Variants in EHMT1 observed in about 807,000 individuals in gnomAD.
The protein encoded by EHMT1 is histone-lysine N-methyltransferase EHMT1.
A neutral mutation model predicts 147.2 loss-of-function variants in EHMT1; 15 were observed. The observed-to-expected ratio is 0.10, with a 90% CI of 0.07 to 0.16. EHMT1 has a LOEUF of 0.16. EHMT1 is among the 10% of genes least tolerant of loss of function. EHMT1 has a pLI of 1.00. For synonymous variants in EHMT1, 795 were observed against 709.6 expected (o/e 1.12, Z -1.91); for missense variants, 1,587 against 1,772.4 (o/e 0.90, Z 1.88).
chr9:137,774,738 C>T (rs1950832176), intron 10 of EHMT1, among the ~76,000 whole-genome samples: 1 of 134,260 alleles, frequency 7.4e-6, no homozygotes, highest in East Asian at 2.2e-4. Flanking sequence ...TCGCGCCTGG[C>T]CCCCTGGATC....
intron 4 of EHMT1, among the ~76,000 whole-genome samples, chr9:137,737,959 C>T (rs551151814): frequency 1.1e-4 from 16 of 152,210 alleles, no homozygotes; most frequent in African/African-American, 3.6e-4. Context: ...TTTGGGAGGC[C>T]GAGGCAGGCA....
At chr9:137,774,860 G>A (rs1209301886) in intron 10 of EHMT1, among the ~76,000 whole-genome samples, 1 of 152,192 alleles carries the variant, frequency 6.6e-6, no homozygotes, top group Admixed American at 6.5e-5. Flanking sequence ...CTCATGTGCC[G>A]CTGCCTCCTG....
At chr9:137,752,058 C>T (rs550162491) in intron 6 of EHMT1, among the ~76,000 whole-genome samples, 37 of 152,356 alleles carry the variant, frequency 2.4e-4, no homozygotes, top group Admixed American at 9.2e-4. Flanking sequence ...CGCACCAGGG[C>T]AGCCACTCTC....
Position 137,835,608 on chromosome 9 carries a change from C to T in EHMT1, c.*655C>T, listed in dbSNP as rs1273170149. On this transcript the variant is annotated 3_prime_UTR_variant, in exon 27 of 27. Coordinates refer to ENST00000460843, the MANE Select transcript of EHMT1 (RefSeq NM_024757.5). The stretch of plus-strand genomic sequence containing the variant: ...CGAGGAAGTGGCTTGGTGGGTGCAG[C>T]CCCCGCCGGTTCCGTTGACGCTGGC... The T allele has an allele frequency of 6.5e-6, 1 of 152,672 alleles. No individual in the cohort carries two copies. Among genetic ancestry groups the T allele is most frequent in the East Asian group, 1.9e-4 (1 of 5,204 alleles). The allele number at this position is 152,672 out of a possible 1,614,324, so 9.5% of individuals were successfully genotyped here. A position where few individuals can be genotyped will look rare whatever the true frequency, so the allele number is the denominator to read the frequency against.
chr9:137,724,862 A>G (rs1588389650), intron 3 of EHMT1, among the ~76,000 whole-genome samples: 1 of 149,888 alleles, frequency 6.7e-6, no homozygotes, highest in South Asian at 2.1e-4. Context: ...GACGTGTGGC[A>G]TTCGTGGGGC....
rs2136912214 is a variant in EHMT1, at chr9:137,782,986, C to G, written c.2382+589C>G. Among the ~76,000 whole-genome samples the G allele has an allele frequency of 6.6e-6, 1 of 152,332 alleles. No homozygotes were observed. Among genetic ancestry groups the G allele is most frequent in the South Asian group, 2.1e-4 (1 of 4,828 alleles). ...GATCCCGGTGTTGGATCCCCTGTTT[C>G]TCAAGTGCCAGGTTTGAGTCTGGTG... is the stretch of plus-strand genomic sequence containing the variant. On this transcript the variant is annotated intron_variant, in intron 15 of 26. Coordinates refer to ENST00000460843, the MANE Select transcript of EHMT1 (RefSeq NM_024757.5). This position sits in a 1 kb window ranked among gnomAD's most constrained non-coding sequence, Gnocchi z 5.7.
At chr9:137,660,724 T>C (rs1413157679) in intron 1 of EHMT1, among the ~76,000 whole-genome samples, 2 of 152,244 alleles carry the variant, frequency 1.3e-5, no homozygotes, top group African/African-American at 4.8e-5. Flanking sequence ...TTAAGAAATA[T>C]TTCTATGAAA....
chr9:137,671,790 A>G (rs1470131102), intron 1 of EHMT1, among the ~76,000 whole-genome samples: 2 of 152,080 alleles, frequency 1.3e-5, no homozygotes, highest in African/African-American at 4.8e-5. Flanking sequence ...GGCCTTCCAA[A>G]GTGCTGGGAT....
chr9:137,669,338 AC>A (rs1397337039), intron 1 of EHMT1, among the ~76,000 whole-genome samples: 1 of 11,916 alleles, frequency 8.4e-5, no homozygotes, highest in Non-Finnish European at 1.5e-4. Flanking sequence ...CAGCACGTGG[AC>A]CCCACACCAC....
intron 1 of EHMT1, among the ~76,000 whole-genome samples, chr9:137,710,158 A>T (rs1471063638): frequency 1.1e-4 from 13 of 122,138 alleles, no homozygotes; most frequent in Non-Finnish European, 1.5e-4. Context: ...ATTTTTGTGT[A>T]AAAAAAAAAA....
At chr9:137,772,873 T>C (rs13293324) in intron 10 of EHMT1, among the ~76,000 whole-genome samples, 1 of 152,164 alleles carries the variant, frequency 6.6e-6, no homozygotes, top group African/African-American at 2.4e-5. Context: ...ATCTCTTTTT[T>C]CCCAACCCTA....
intron 16 of EHMT1, among the ~76,000 whole-genome samples, chr9:137,794,754 T>TA (rs1952773135): frequency 6.6e-6 from 1 of 152,084 alleles, no homozygotes; most frequent in Non-Finnish European, 1.5e-5. Flanking sequence ...AGGCAGTTTT[T>TA]ATTGTGCTGA....
At chr9:137,722,952 G>A (rs1588376433) in intron 3 of EHMT1, among the ~76,000 whole-genome samples, 14 of 115,470 alleles carry the variant, frequency 1.2e-4, no homozygotes, top group Non-Finnish European at 1.9e-4. Flanking sequence ...CTGGGCCTGA[G>A]CCGGGGGTGT....
At chr9:137,727,574 A>G (rs1319369348) in intron 3 of EHMT1, among the ~76,000 whole-genome samples, 1 of 152,138 alleles carries the variant, frequency 6.6e-6, no homozygotes, top group African/African-American at 2.4e-5. Context: ...TTTACTGTGT[A>G]TTTTTACTGT....
At position 137,776,486 on chromosome 9, in the gene EHMT1, A is replaced by AC; in HGVS notation, c.1792-128dup. 1.2e-6 allele frequency: 1 copy of AC among 825,382 alleles called. No individual in the cohort carries two copies. The highest frequency in any genetic ancestry group is 2.0e-6 in the Non-Finnish European group (1 of 504,504). 51.1% of individuals were successfully genotyped at this position (825,382 alleles called of 1,614,324 possible). On this transcript the variant is annotated intron_variant, in intron 11 of 26. Coordinates refer to ENST00000460843, the MANE Select transcript of EHMT1 (RefSeq NM_024757.5). This position sits in a 1 kb window ranked among gnomAD's most constrained non-coding sequence, Gnocchi z 4.4. The stretch of plus-strand genomic sequence containing the variant: ...TAACGATGCCTGGGGCCAAGACTGG[A>AC]CCCCACCCCGACCCATGGCTCACTC...
chr9:137,666,059 T>C (rs1939609377), intron 1 of EHMT1: 1 of 152,262 alleles, frequency 6.6e-6, no homozygotes, highest in South Asian at 2.1e-4. Flanking sequence ...TTTGGTACTT[T>C]TTTTCTTTTG....
intron 1 of EHMT1, among the ~76,000 whole-genome samples, chr9:137,693,367 G>A (rs1181941414): frequency 6.6e-6 from 1 of 152,112 alleles, no homozygotes; most frequent in Non-Finnish European, 1.5e-5. Context: ...CCACAGTCCT[G>A]AGTCCTGCAG....
chr9:137,674,163 G>C (rs1050142051), intron 1 of EHMT1, among the ~76,000 whole-genome samples: 19 of 152,178 alleles, frequency 1.2e-4, no homozygotes, highest in African/African-American at 4.6e-4. Context: ...AGTGAGCTTA[G>C]AAAACCAGCA....
At chr9:137,804,028 G>A (rs1344806214) in intron 18 of EHMT1, among the ~76,000 whole-genome samples, 2 of 152,086 alleles carry the variant, frequency 1.3e-5, no homozygotes, top group Admixed American at 1.3e-4. Flanking sequence ...TAACAATCAT[G>A]GCAGAAGGTG....
Sources: allele counts gnomAD v4.1 joint callset (sites outside exome capture counted in the v4.1 genomes callset), GRCh38; gene constraint gnomAD v4.1.1; non-coding constraint Gnocchi (gnomAD v3.1); transcripts MANE v1.5; gene names NCBI Gene and HGNC (gene_info 2026-07-23, HGNC 2026-07-21).